CTDSPL2: variants seen among roughly 807,000 people sequenced by gnomAD.
CTDSPL2 encodes the protein CTD small phosphatase like 2.
In CTDSPL2, 5 loss-of-function variants were observed where a neutral mutation model predicts 60.0. That is an observed-to-expected ratio of 0.08 (90% CI 0.04 to 0.18). CTDSPL2 has a LOEUF of 0.18. Among genes scored for constraint, CTDSPL2 ranks in the 10% least tolerant of loss-of-function variants. The probability of loss-of-function intolerance (pLI) is 1.00; values close to 1 mark genes in which losing one functional copy is unlikely to be tolerated. For synonymous variants in CTDSPL2, 186 were observed against 189.3 expected (o/e 0.98, Z 0.14); for missense variants, 370 against 548.8 (o/e 0.67, Z 3.26).
chr15:44,453,531 C>T (rs995323326), intron 1 of CTDSPL2, among the ~76,000 whole-genome samples: 7 of 151,878 alleles, frequency 4.6e-5, no homozygotes, highest in African/African-American at 1.2e-4. Context: ...CCCATTAACT[C>T]GTTATTTACA....
At chr15:44,523,002 T>G (rs1335197497) in intron 12 of CTDSPL2, among the ~76,000 whole-genome samples, 1 of 151,884 alleles carries the variant, frequency 6.6e-6, no homozygotes, top group South Asian at 2.1e-4. Flanking sequence ...CACTGTTTTT[T>G]GTTTGTTTGT....
intron 10 of CTDSPL2, among the ~76,000 whole-genome samples, chr15:44,515,859 G>A (rs537425107): frequency 2.9e-4 from 44 of 151,896 alleles, no homozygotes; most frequent in African/African-American, 9.9e-4. Flanking sequence ...GGCAACAAGA[G>A]CAAAACTCCA....
Position 44,525,641 on chromosome 15 carries a change from A to AT in CTDSPL2, c.*1473dup, listed in dbSNP as rs1439487291. 1.5e-5 allele frequency: 6 copies of AT among 395,898 alleles called. No individual in the cohort carries two copies. Among genetic ancestry groups the AT allele is most frequent in the Non-Finnish European group, 2.2e-5 (5 of 224,460 alleles). The allele number at this position is 395,898 out of a possible 1,614,324, so 24.5% of individuals were successfully genotyped here. ...TGATAATTGAGGAGTATGTCAATTAATTTTTTATGTATATTACCTGTTTAC... is the reference window on the plus strand; with the variant it reads ...TGATAATTGAGGAGTATGTCAATTAATTTTTTTATGTATATTACCTGTTTAC... On this transcript the variant is annotated 3_prime_UTR_variant, in exon 13 of 13. Coordinates refer to ENST00000260327, the MANE Select transcript of CTDSPL2 (RefSeq NM_016396.3).
At chr15:44,443,324 T>G (rs2080131327) in intron 1 of CTDSPL2, among the ~76,000 whole-genome samples, 1 of 152,230 alleles carries the variant, frequency 6.6e-6, no homozygotes, top group African/African-American at 2.4e-5. Flanking sequence ...GACACTTCGA[T>G]TGCATCCACC....
intron 11 of CTDSPL2, chr15:44,520,290 G>GT (rs2081742239): frequency 6.6e-6 from 1 of 151,678 alleles, no homozygotes; most frequent in Admixed American, 6.6e-5. Context: ...GGCACTACAG[G>GT]TGCGCGCCAC....
At chr15:44,467,908 AT>A (rs979760177) in intron 2 of CTDSPL2, among the ~76,000 whole-genome samples, 6 of 151,606 alleles carry the variant, frequency 4.0e-5, no homozygotes, top group Admixed American at 2.6e-4. Flanking sequence ...TAGTACATAA[AT>A]TTTTTTTTGA....
At position 44,475,112 on chromosome 15, in the gene CTDSPL2, C is replaced by T. The variant is rs182116366; in HGVS notation, c.187-9112C>T. Among the ~76,000 whole-genome samples the T allele has an allele frequency of 4.5e-3, 683 of 151,914 alleles. 4 individuals are homozygous for T. The highest frequency in any genetic ancestry group is 0.016 in the African/African-American group (649 of 41,420). ...ATACATGTAGGCAAAATACCAAGTC[C>T]GGCCACATTAATAAGGCACAGAAGT... On this transcript the variant is annotated intron_variant, in intron 2 of 12. Coordinates refer to ENST00000260327, the MANE Select transcript of CTDSPL2 (RefSeq NM_016396.3).
intron 1 of CTDSPL2, among the ~76,000 whole-genome samples, chr15:44,440,162 C>G (rs557411802): frequency 3.3e-5 from 5 of 150,644 alleles, no homozygotes; most frequent in Admixed American, 6.6e-5. Flanking sequence ...ATTGAGTGTA[C>G]AGGCATAAAG....
intron 1 of CTDSPL2, among the ~76,000 whole-genome samples, chr15:44,454,589 G>A (rs1595712768): frequency 6.6e-6 from 1 of 152,300 alleles, no homozygotes; most frequent in Middle Eastern, 3.4e-3. Context: ...AATCCATTTT[G>A]AATTAATTTT....
chr15:44,479,087 A>C (rs954879441), intron 2 of CTDSPL2, among the ~76,000 whole-genome samples: 8 of 152,058 alleles, frequency 5.3e-5, no homozygotes, highest in Non-Finnish European at 1.2e-4. Context: ...CAAAAAAAAA[A>C]AAACAAGTTT....
chr15:44,461,455 C>G (rs2080567764), intron 2 of CTDSPL2, among the ~76,000 whole-genome samples: 1 of 151,842 alleles, frequency 6.6e-6, no homozygotes, highest in Admixed American at 6.6e-5. Flanking sequence ...GTGATACTAT[C>G]ATAGCTCACT....
chr15:44,444,587 C>T (rs995206191), intron 1 of CTDSPL2, among the ~76,000 whole-genome samples: 2 of 152,002 alleles, frequency 1.3e-5, no homozygotes, highest in African/African-American at 4.8e-5. Flanking sequence ...CTCAGGCGAT[C>T]TACCCTCCTT....
At chr15:44,505,805 T>C (rs184524506) in intron 8 of CTDSPL2, among the ~76,000 whole-genome samples, 154 of 152,002 alleles carry the variant, frequency 1.0e-3, no homozygotes, top group African/African-American at 3.3e-3. Context: ...GCTATAAATT[T>C]AGAAGGTGTG....
chr15:44,497,008 C>G lies in CTDSPL2; in HGVS notation c.771-19C>G. ...ATAAAAAGTAAAATGTTGAAATTTT[C>G]TTAAAATCTGATTTATAGCTATTAT... On this transcript the variant is annotated intron_variant, in intron 6 of 12. Transcript: ENST00000260327. The G allele has an allele frequency of 1.4e-6, 2 of 1,450,064 alleles. No individual in the cohort carries two copies. The highest frequency in any genetic ancestry group is 1.9e-6 in the Non-Finnish European group (2 of 1,040,060). 89.8% of individuals were successfully genotyped at this position (1,450,064 alleles called of 1,614,324 possible).
At chr15:44,485,406 A>G (rs139164802) in intron 3 of CTDSPL2, among the ~76,000 whole-genome samples, 1 of 152,312 alleles carries the variant, frequency 6.6e-6, no homozygotes, top group African/African-American at 2.4e-5. Context: ...TGTGGAAGAC[A>G]GTTTTTCCAC....
intron 1 of CTDSPL2, among the ~76,000 whole-genome samples, chr15:44,445,417 T>G (rs936110025): frequency 6.6e-5 from 10 of 151,816 alleles, no homozygotes; most frequent in Non-Finnish European, 1.0e-4. Context: ...CTCGAACTCC[T>G]GGGCTCAAGT....
intron 1 of CTDSPL2, among the ~76,000 whole-genome samples, chr15:44,434,006 A>G (rs1003292629): frequency 6.6e-6 from 1 of 151,870 alleles, no homozygotes; most frequent in African/African-American, 2.4e-5. Flanking sequence ...GTCATCAGTA[A>G]TCTAACAACC....
intron 2 of CTDSPL2, among the ~76,000 whole-genome samples, chr15:44,477,069 T>C (rs2080933087): frequency 6.6e-6 from 1 of 152,128 alleles, no homozygotes; most frequent in African/African-American, 2.4e-5. Context: ...TCAAAAACTT[T>C]TAAAAACGAA....
At chr15:44,432,482 G>T (rs570388003) in intron 1 of CTDSPL2, among the ~76,000 whole-genome samples, 7 of 151,808 alleles carry the variant, frequency 4.6e-5, no homozygotes, top group Non-Finnish European at 1.0e-4. Flanking sequence ...ACCATGCTCG[G>T]CTAATTTTTG....
Sources: gnomAD v4.1 joint callset for allele counts (sites outside exome capture counted in the v4.1 genomes callset) on GRCh38, gnomAD v4.1.1 for gene constraint, MANE v1.5 for transcripts, NCBI Gene and HGNC (gene_info 2026-07-23, HGNC 2026-07-21) for gene names.